Variants in ARHGEF3 observed in about 807,000 individuals in gnomAD.
ARHGEF3 encodes Rho guanine nucleotide exchange factor 3, also known as 59.8 kDA protein.
ARHGEF3 carries 28 observed loss-of-function variants against 63.2 expected under a neutral mutation model. That is an observed-to-expected ratio of 0.44 (90% CI 0.33 to 0.61). The LOEUF (loss-of-function observed/expected upper bound fraction) is 0.61, where lower values mean the gene tolerates loss of function less well. Ranked by LOEUF, ARHGEF3 falls within the 20% of genes least tolerant of loss-of-function variation. The probability of loss-of-function intolerance (pLI) is 0.03; values close to 1 mark genes in which losing one functional copy is unlikely to be tolerated. For missense variants in ARHGEF3, 533 were observed against 659.3 expected (o/e 0.81, Z 2.10); for synonymous variants, 266 against 254.2 (o/e 1.05, Z -0.44).
At chr3:56,947,936 C>T (rs943389175) in intron 3 of ARHGEF3, among the ~76,000 whole-genome samples, 2 of 152,168 alleles carry the variant, frequency 1.3e-5, no homozygotes, top group Non-Finnish European at 2.9e-5. Flanking sequence ...GTCTCTCAGA[C>T]CACAGTGCAA....
intron 1 of ARHGEF3, among the ~76,000 whole-genome samples, chr3:57,040,014 C>T (rs1704112757): frequency 6.6e-6 from 1 of 152,142 alleles, no homozygotes; most frequent in African/African-American, 2.4e-5. Flanking sequence ...CTGGAAGCTA[C>T]CCAAATGCTT....
chr3:56,920,668 A>G (rs1196020108), intron 3 of ARHGEF3, among the ~76,000 whole-genome samples: 1 of 152,220 alleles, frequency 6.6e-6, no homozygotes, highest in Non-Finnish European at 1.5e-5. Context: ...TACAGTTGGA[A>G]AGGGAATTTC....
chr3:57,004,598 A>G (rs1377846896), intron 2 of ARHGEF3, among the ~76,000 whole-genome samples: 2 of 152,220 alleles, frequency 1.3e-5, no homozygotes, highest in African/African-American at 2.4e-5. Context: ...GCATGCACTG[A>G]TCTTAAACAA....
At position 56,810,533 on chromosome 3, in the gene ARHGEF3, AAAAAG is replaced by A. The variant is rs376288309; in HGVS notation, c.193-36722_193-36718del. ...CAGAGAGAGACTGAGTCTCAAAAAC[AAAAAG>A]AAAAGAAAAGAAAAGAAAAATATTG... is the stretch of plus-strand genomic sequence containing the variant. On this transcript the variant is annotated intron_variant, in intron 4 of 12. Coordinates refer to the ARHGEF3 transcript ENST00000338458. Among the ~76,000 whole-genome samples, 53 of 152,314 alleles carry A rather than the reference AAAAAG, an allele frequency of 3.5e-4. 1 individual carries two copies. In the East Asian group the frequency reaches 8.7e-3, roughly 25 times the overall value.
intron 3 of ARHGEF3, among the ~76,000 whole-genome samples, chr3:56,925,149 C>T (rs1202009114): frequency 2.0e-5 from 3 of 152,246 alleles, no homozygotes; most frequent in Non-Finnish European, 2.9e-5. Flanking sequence ...CCCCATTCTG[C>T]GAGGGTGGTG....
Position 57,025,397 on chromosome 3 carries a change from G to A in ARHGEF3, c.62+9691C>T, listed in dbSNP as rs76346506. Among the ~76,000 whole-genome samples, 1,388 of 152,310 alleles carry A rather than the reference G, an allele frequency of 9.1e-3. 28 individuals carry two copies. Among genetic ancestry groups the A allele is most frequent in the African/African-American group, 0.031 (1,302 of 41,560 alleles). On this transcript the variant is annotated intron_variant, in intron 2 of 12. Coordinates refer to the ARHGEF3 transcript ENST00000338458. ...CCTAGTCCCACCCGCTCACTTCAGA[G>A]ATGAGGAAACTGCACTCAGAGGAGT...
At chr3:57,015,668 C>A (rs953451073) in intron 2 of ARHGEF3, among the ~76,000 whole-genome samples, 2 of 150,942 alleles carry the variant, frequency 1.3e-5, no homozygotes, top group Non-Finnish European at 2.9e-5. Context: ...TCTCAAACGC[C>A]TGGGCTCAAG....
Position 56,966,849 on chromosome 3 carries a change from A to AATT in ARHGEF3, c.63-7963_63-7961dup, listed in dbSNP as rs141341491. Among the ~76,000 whole-genome samples the AATT allele has an allele frequency of 5.2e-3, 753 of 146,140 alleles. 10 individuals carry two copies. The highest frequency in any genetic ancestry group is 7.6e-3 in the Non-Finnish European group (510 of 66,744). ...ACCCTCTGTCAGCCTTTTTTTTTTT[A>AATT]ATTATTATTATTATTATTATTATTT... On this transcript the variant is annotated intron_variant, in intron 2 of 12. Coordinates refer to the ARHGEF3 transcript ENST00000338458.
intron 2 of ARHGEF3, among the ~76,000 whole-genome samples, chr3:56,975,294 T>A (rs1382272881): frequency 6.6e-6 from 1 of 152,074 alleles, no homozygotes; most frequent in Non-Finnish European, 1.5e-5. Context: ...GGTGCTCACC[T>A]GTAGTCCCAG....
intron 1 of ARHGEF3, among the ~76,000 whole-genome samples, chr3:56,800,623 ACAG>A (rs1389225883): frequency 2.0e-5 from 3 of 152,212 alleles, no homozygotes; most frequent in Non-Finnish European, 4.4e-5. Flanking sequence ...CCAAGTGCAT[ACAG>A]CTGAGCAGAC....
At chr3:57,072,060 C>T (rs1705937340) in intron 1 of ARHGEF3, among the ~76,000 whole-genome samples, 1 of 152,132 alleles carries the variant, frequency 6.6e-6, no homozygotes, top group Non-Finnish European at 1.5e-5. Context: ...AAATCAAAGT[C>T]ACAATGAGAT....
chr3:56,857,084 A>G (rs953738739), intron 4 of ARHGEF3, among the ~76,000 whole-genome samples: 11 of 151,528 alleles, frequency 7.3e-5, no homozygotes, highest in Non-Finnish European at 1.3e-4. Flanking sequence ...ATTTTTTTCT[A>G]GAAGAAAAAA....
In ARHGEF3 at chr3:56,971,300, G is replaced by A. The variant is rs567839751; in HGVS notation, c.63-12411C>T. Among the ~76,000 whole-genome samples the A allele has an allele frequency of 2.6e-4, 40 of 152,250 alleles. 1 individual carries two copies. In the South Asian group the frequency reaches 6.4e-3, roughly 24 times the overall value. On this transcript the variant is annotated intron_variant, in intron 2 of 12. Coordinates refer to the ARHGEF3 transcript ENST00000338458. Reference sequence around the variant, plus strand: ...CTTCTAAGCGCCCGGCAGGGACCCCGAAGCAAGCCTGACATGGGGCTGTGG... The same window carrying A: ...CTTCTAAGCGCCCGGCAGGGACCCCAAAGCAAGCCTGACATGGGGCTGTGG...
intron 1 of ARHGEF3, among the ~76,000 whole-genome samples, chr3:57,042,688 A>ATTTTT (rs1560156283): frequency 5.2e-3 from 46 of 8,844 alleles, no homozygotes; most frequent in Middle Eastern, 0.042. Flanking sequence ...ATATATATAT[A>ATTTTT]TATATATATA....
intron 3 of ARHGEF3, among the ~76,000 whole-genome samples, chr3:56,949,959 C>G (rs945784635): frequency 2.6e-5 from 4 of 151,820 alleles, no homozygotes; most frequent in South Asian, 2.1e-4. Flanking sequence ...CAGAACAGAG[C>G]CCTCAGAAAT....
At chr3:56,855,511 C>T (rs2039839494) in intron 4 of ARHGEF3, among the ~76,000 whole-genome samples, 1 of 151,584 alleles carries the variant, frequency 6.6e-6, no homozygotes, top group Non-Finnish European at 1.5e-5. Flanking sequence ...TGGTAAAACC[C>T]CTCTCTACTA....
chr3:56,771,672 T>C (rs142287506), intron 2 of ARHGEF3, among the ~76,000 whole-genome samples: 117 of 152,292 alleles, frequency 7.7e-4, no homozygotes, highest in African/African-American at 2.7e-3. Context: ...CATAGCAATA[T>C]GAGGGCAAGA....
At chr3:57,044,645 G>C (rs913685073) in intron 1 of ARHGEF3, among the ~76,000 whole-genome samples, 2 of 152,156 alleles carry the variant, frequency 1.3e-5, no homozygotes, top group East Asian at 3.9e-4. Context: ...TTATGTACAA[G>C]CTGGTACTGT....
chr3:57,036,600 A>G (rs560514581), intron 1 of ARHGEF3, among the ~76,000 whole-genome samples: 16 of 152,242 alleles, frequency 1.1e-4, no homozygotes, highest in African/African-American at 3.9e-4. Context: ...TTTTCTTTGT[A>G]CCACATGGCC....
Sources: allele counts gnomAD v4.1 joint callset (sites outside exome capture counted in the v4.1 genomes callset), GRCh38; gene constraint gnomAD v4.1.1; transcripts MANE v1.5; gene names NCBI Gene and HGNC (gene_info 2026-07-23, HGNC 2026-07-21).